CTDSPL: variants seen among roughly 807,000 people sequenced by gnomAD.
CTDSPL encodes the protein CTD small phosphatase-like protein.
Under a neutral mutation model 30.5 loss-of-function variants are expected in CTDSPL, and 8 were observed. The ratio of observed to expected loss-of-function variants is 0.26; its 90% CI spans 0.15 to 0.47. The LOEUF is 0.47. Ranked by LOEUF, CTDSPL falls within the 20% of genes least tolerant of loss-of-function variation. The pLI is 0.99. For synonymous variants in CTDSPL, 110 were observed against 137.9 expected (o/e 0.80, Z 1.42); for missense variants, 248 against 366.1 (o/e 0.68, Z 2.63).
intron 1 of CTDSPL, among the ~76,000 whole-genome samples, chr3:37,874,983 A>AG (rs1698120081): frequency 1.3e-5 from 2 of 152,236 alleles, no homozygotes; most frequent in African/African-American, 2.4e-5. Flanking sequence ...TCTCTTAAAA[A>AG]TCCACTACCT....
chr3:37,959,229 TC>T (rs1462692972), intron 3 of CTDSPL, among the ~76,000 whole-genome samples: 3 of 152,238 alleles, frequency 2.0e-5, no homozygotes, highest in Non-Finnish European at 4.4e-5. Context: ...CCCTCTTTTT[TC>T]ATTCGCATGT....
chr3:37,923,636 C>T (rs1436011063), intron 1 of CTDSPL, among the ~76,000 whole-genome samples: 1 of 152,132 alleles, frequency 6.6e-6, no homozygotes, highest in Non-Finnish European at 1.5e-5. Flanking sequence ...ATTTCTTAAA[C>T]ATATCTTATA....
At chr3:37,888,440 G>C (rs941668778) in intron 1 of CTDSPL, among the ~76,000 whole-genome samples, 2 of 152,046 alleles carry the variant, frequency 1.3e-5, no homozygotes, top group South Asian at 4.1e-4. Context: ...TTGATGCTCC[G>C]ACTTAGTGGT....
chr3:37,956,544 A>T (rs1699175622), intron 2 of CTDSPL, among the ~76,000 whole-genome samples: 2 of 152,208 alleles, frequency 1.3e-5, no homozygotes, highest in South Asian at 4.1e-4. Context: ...ACTCCCTGTG[A>T]ATACAGATTG....
chr3:37,872,572 C>T (rs75054088), intron 1 of CTDSPL, among the ~76,000 whole-genome samples: 2,264 of 51,040 alleles, frequency 0.044, no homozygotes, highest in Middle Eastern at 0.14. Flanking sequence ...ATTCTTTTAT[C>T]TTTTTTTTTT....
At chr3:37,915,306 C>G (rs1698633512) in intron 1 of CTDSPL, among the ~76,000 whole-genome samples, 1 of 151,886 alleles carries the variant, frequency 6.6e-6, no homozygotes. Context: ...TTTTATTTAT[C>G]TATTTGGGGT....
intron 6 of CTDSPL, among the ~76,000 whole-genome samples, chr3:37,973,961 C>A (rs974895936): frequency 4.6e-5 from 7 of 152,340 alleles, no homozygotes; most frequent in Middle Eastern, 3.4e-3. Flanking sequence ...GCTTGTCCAG[C>A]CTGTGACCCA....
intron 1 of CTDSPL, among the ~76,000 whole-genome samples, chr3:37,935,706 G>T (rs906987078): frequency 6.6e-6 from 1 of 152,170 alleles, no homozygotes; most frequent in African/African-American, 2.4e-5. Flanking sequence ...AGGCTACCAG[G>T]AGTATTATGG....
At position 37,939,260 on chromosome 3, in the gene CTDSPL, T is replaced by C. The variant is rs575811708; in HGVS notation, c.80-7797T>C. Among the ~76,000 whole-genome samples the C allele has an allele frequency of 2.7e-5, 4 of 150,414 alleles. No homozygotes were observed. In the East Asian group the frequency reaches 5.9e-4, roughly 22 times the overall value. Reference sequence around the variant, plus strand: ...CTTACACAAACATACATGTTTTCACTGTGCCCATACAATAGTCCTGTGGGG... The same window carrying C: ...CTTACACAAACATACATGTTTTCACCGTGCCCATACAATAGTCCTGTGGGG... On this transcript the variant is annotated intron_variant, in intron 1 of 7. Transcript: ENST00000273179.
intron 1 of CTDSPL, among the ~76,000 whole-genome samples, chr3:37,869,033 G>T (rs1227081148): frequency 6.6e-6 from 1 of 151,656 alleles, no homozygotes; most frequent in Non-Finnish European, 1.5e-5. Flanking sequence ...TCCAATCCAT[G>T]AACACAGTAC....
rs959342169 is a variant in CTDSPL, at chr3:37,980,968, C to T, written c.*101C>T. ...CTGGGAGCTGAAAGTGAGGATACTC[C>T]GTGCTCCAGGCCACAGGGTGAATGT... On this transcript the variant is annotated 3_prime_UTR_variant, in exon 8 of 8. Transcript: ENST00000273179. 8.4e-6 allele frequency: 12 copies of T among 1,433,954 alleles called. No homozygotes were observed. The highest frequency in any genetic ancestry group is 5.7e-5 in the African/African-American group (4 of 70,556). The allele number at this position is 1,433,954 out of a possible 1,614,324, so 88.8% of individuals were successfully genotyped here. A position where few individuals can be genotyped will look rare whatever the true frequency, so the allele number is the denominator to read the frequency against.
chr3:37,905,589 TC>T (rs1384643545), intron 1 of CTDSPL, among the ~76,000 whole-genome samples: 2 of 152,032 alleles, frequency 1.3e-5, no homozygotes, highest in South Asian at 2.1e-4. Context: ...TAGGCTTCCT[TC>T]CCCCCCTCCC....
At chr3:37,976,735 T>C (rs1303957659) in intron 7 of CTDSPL, among the ~76,000 whole-genome samples, 1 of 152,068 alleles carries the variant, frequency 6.6e-6, no homozygotes, top group Non-Finnish European at 1.5e-5. Context: ...ATTGGGAACA[T>C]TTCATTCATA....
chr3:37,969,441 G>A (rs764213240), intron 5 of CTDSPL: 3 of 530,128 alleles, frequency 5.7e-6, no homozygotes, highest in Non-Finnish European at 1.2e-5. Context: ...GGCTGTGCAG[G>A]TCCCAATGGG....
chr3:37,881,104 G>A (rs1698198841), intron 1 of CTDSPL, among the ~76,000 whole-genome samples: 1 of 151,830 alleles, frequency 6.6e-6, no homozygotes, highest in Non-Finnish European at 1.5e-5. Flanking sequence ...TTCATAAGAT[G>A]CTTGCTTTAA....
intron 5 of CTDSPL, chr3:37,968,258 C>G (rs1573291): frequency 4.4e-6 from 2 of 459,106 alleles, no homozygotes; most frequent in Non-Finnish European, 8.7e-6. Flanking sequence ...TTATGGTGGA[C>G]TCTCGGGAAA....
intron 1 of CTDSPL, among the ~76,000 whole-genome samples, chr3:37,942,667 G>A (rs1698991519): frequency 6.7e-6 from 1 of 150,164 alleles, no homozygotes; most frequent in Non-Finnish European, 1.5e-5. Flanking sequence ...AAATTATGGA[G>A]TGCTTGCTCT....
intron 3 of CTDSPL, among the ~76,000 whole-genome samples, chr3:37,961,878 G>A (rs1223927571): frequency 6.6e-6 from 1 of 152,130 alleles, no homozygotes; most frequent in Non-Finnish European, 1.5e-5. Context: ...GAGGAAATAA[G>A]CTTAGTGTTA....
intron 1 of CTDSPL, among the ~76,000 whole-genome samples, chr3:37,892,307 A>C (rs975128868): frequency 5.9e-5 from 9 of 152,238 alleles, no homozygotes; most frequent in Admixed American, 2.0e-4. Flanking sequence ...TTCCTATTAA[A>C]AAAGGCTAAA....
Sources: allele counts gnomAD v4.1 joint callset (sites outside exome capture counted in the v4.1 genomes callset), GRCh38; gene constraint gnomAD v4.1.1; transcripts MANE v1.5; gene names NCBI Gene and HGNC (gene_info 2026-07-23, HGNC 2026-07-21).